Variants in RCC1L observed in about 807,000 individuals in gnomAD.
RCC1L encodes RCC1-like G exchanging factor-like protein.
RCC1L carries 46 observed loss-of-function variants against 58.6 expected under a neutral mutation model. That is an observed-to-expected ratio of 0.79 (90% CI 0.62 to 1.00). The LOEUF (loss-of-function observed/expected upper bound fraction) is 1.00, where lower values mean the gene tolerates loss of function less well. Ranked by LOEUF, RCC1L falls within the 50% of genes least tolerant of loss-of-function variation. The pLI, the probability that RCC1L is intolerant of heterozygous loss-of-function variation, is 0.00. For synonymous variants in RCC1L, 281 were observed against 262.9 expected (o/e 1.07, Z -0.67); for missense variants, 636 against 623.6 (o/e 1.02, Z -0.21).
At chr7:75,064,867 T>C (rs1056098173) in intron 3 of RCC1L, 2 of 601,498 alleles carry the variant, frequency 3.3e-6, no homozygotes, top group Non-Finnish European at 3.1e-6. Context: ...CTAGATCCAC[T>C]TCTTGGGAAT....
chr7:75,065,376 G>T (rs1437451781), intron 3 of RCC1L, among the ~76,000 whole-genome samples: 1 of 151,966 alleles, frequency 6.6e-6, no homozygotes, highest in Non-Finnish European at 1.5e-5. Context: ...CAAACATGGT[G>T]AAACCCTGTC....
chr7:75,058,308 C>T, intron 7 of RCC1L: 1 of 408,076 alleles, frequency 2.5e-6, no homozygotes, highest in South Asian at 2.1e-5. Flanking sequence ...ACGATCTCAG[C>T]TCACTGCAAT....
At chr7:75,043,444 T>C (rs1226301290) in intron 10 of RCC1L, among the ~76,000 whole-genome samples, 2 of 152,226 alleles carry the variant, frequency 1.3e-5, no homozygotes, top group Non-Finnish European at 2.9e-5. Flanking sequence ...CATGGGCCTG[T>C]GTGCATCCCT....
intron 10 of RCC1L, among the ~76,000 whole-genome samples, chr7:75,052,351 C>T (rs1217873045): frequency 1.3e-5 from 2 of 152,202 alleles, no homozygotes; most frequent in African/African-American, 4.8e-5. Context: ...TTTCCCCGAT[C>T]CACCCCAAGG....
exon 11 of RCC1L, chr7:75,028,028 GTAA>G (rs1191206896): frequency 1.3e-6 from 2 of 1,534,746 alleles, no homozygotes; most frequent in African/African-American, 2.7e-5. Flanking sequence ...TCCCCCGGAG[GTAA>G]TCAGAGGAGT....
downstream of RCC1L, among the ~76,000 whole-genome samples, chr7:75,040,516 G>A (rs1450255289): frequency 2.0e-5 from 3 of 151,934 alleles, no homozygotes; most frequent in Non-Finnish European, 2.9e-5. Context: ...CCATTAGGGT[G>A]GGAGGTTTAT....
At chr7:75,030,427 G>A (rs1016406833) in intron 10 of RCC1L, among the ~76,000 whole-genome samples, 1 of 152,254 alleles carries the variant, frequency 6.6e-6, no homozygotes, top group South Asian at 2.1e-4. Context: ...GAGAGGGTGG[G>A]GCGTCTCTGG....
chr7:75,066,923 A>C, intron 2 of RCC1L, 131 bp from the exon 3 acceptor site: 1 of 1,266,070 alleles, frequency 7.9e-7, no homozygotes. Flanking sequence ...CAGGTAAGTT[A>C]GGCGCAGAGC....
rs1305558757 is a variant in RCC1L, at chr7:75,059,288, G to A, written c.788-519C>T. On this transcript the variant is annotated intron_variant, in intron 6 of 10. Coordinates refer to ENST00000610322, the MANE Select transcript of RCC1L (RefSeq NM_030798.5). ...ACAACTTTTTTTTTTTTTTTGAGAC[G>A]GTCTCACTCTGTTCCTCTGGCTGCA... 8.8e-5 allele frequency among the ~76,000 whole-genome samples: 13 copies of A among 147,062 alleles called. No individual in the cohort carries two copies. The South Asian group carries it at 1.1e-3, about 12-fold the overall frequency.
At position 75,058,775 on chromosome 7, in the gene RCC1L, A is replaced by C; in HGVS notation, c.788-6T>G. 1 of 1,613,932 alleles carries C rather than the reference A, an allele frequency of 6.2e-7. No individual in the cohort carries two copies. Among genetic ancestry groups the C allele is most frequent in the Non-Finnish European group, 8.5e-7 (1 of 1,179,828 alleles). ...GATATTGTAGTGACCCAGACCTAACACAGTGGAAAATACAGATTTTTAATT... is the reference window on the plus strand; with the variant it reads ...GATATTGTAGTGACCCAGACCTAACCCAGTGGAAAATACAGATTTTTAATT... On this transcript the variant is annotated splice_polypyrimidine_tract_variant and splice_region_variant and intron_variant, in intron 6 of 10. Transcript: ENST00000610322.
At chr7:75,068,553 G>A (rs1361938930) in intron 2 of RCC1L, among the ~76,000 whole-genome samples, 1 of 151,802 alleles carries the variant, frequency 6.6e-6, no homozygotes, top group Non-Finnish European at 1.5e-5. Flanking sequence ...AGGTGTGATG[G>A]CGGGCGCCTG....
At chr7:75,036,024 G>C (rs1805423956) in intron 10 of RCC1L, among the ~76,000 whole-genome samples, 1 of 151,582 alleles carries the variant, frequency 6.6e-6, no homozygotes, top group Non-Finnish European at 1.5e-5. Context: ...GTTTCCAGAT[G>C]ATTCTATGGT....
intron 10 of RCC1L, among the ~76,000 whole-genome samples, chr7:75,035,997 C>T (rs1477709196): frequency 3.3e-5 from 5 of 151,926 alleles, no homozygotes; most frequent in African/African-American, 7.3e-5. Flanking sequence ...AGAGCAAGAC[C>T]GTCTCAAAAA....
intron 2 of RCC1L, 74 bp from the exon 3 acceptor site, chr7:75,066,866 A>G: frequency 1.3e-6 from 2 of 1,506,284 alleles, no homozygotes; most frequent in Non-Finnish European, 8.9e-7. Flanking sequence ...ACTCCACGCT[A>G]CTACACTGGA....
At chr7:75,039,022 G>A (rs1311183311), downstream of RCC1L, among the ~76,000 whole-genome samples, 1 of 152,232 alleles carries the variant, frequency 6.6e-6, no homozygotes, top group Non-Finnish European at 1.5e-5. Flanking sequence ...TGTATTTTCA[G>A]TGGAGATGGG....
intron 2 of RCC1L, among the ~76,000 whole-genome samples, chr7:75,068,233 T>A (rs187331404): frequency 3.3e-4 from 50 of 151,170 alleles, no homozygotes; most frequent in Admixed American, 3.1e-3. Flanking sequence ...GGCAAGCGAA[T>A]TGCTTAAATC....
intron 10 of RCC1L, among the ~76,000 whole-genome samples, chr7:75,036,641 C>T (rs1449357626): frequency 2.0e-5 from 3 of 152,032 alleles, no homozygotes; most frequent in Non-Finnish European, 4.4e-5. Flanking sequence ...CGCCTGTAAT[C>T]CCAGCACTTT....
Position 75,058,599 on chromosome 7 carries a change from C to T in RCC1L, c.958G>A (p.Asp320Asn). The change falls in exon 7 of 11, where the codon GAC (aspartate) becomes AAC (asparagine). Residue 320 changes from aspartate (D) to asparagine (N), a missense_variant. Coordinates refer to ENST00000610322, the MANE Select transcript of RCC1L (RefSeq NM_030798.5). ...CGGCGACTGCATACCTGTGTGGAGT[C>T]AGTGACAGAGGCCAGCTGCAGGTAC... The part of the protein sequence containing the change: ...SEYLQLASVT[D>N]STQVNVPRCL... 6.2e-7 allele frequency: 1 copy of T among 1,605,600 alleles called. No homozygotes were observed. The highest frequency in any genetic ancestry group is 1.7e-5 in the Admixed American group (1 of 58,288).
chr7:75,066,968 G>A (rs782663532), intron 2 of RCC1L, among the ~76,000 whole-genome samples, 176 bp from the exon 3 acceptor site: 1 of 152,188 alleles, frequency 6.6e-6, no homozygotes, highest in African/African-American at 2.4e-5. Context: ...CCCATGGCAT[G>A]GGCTGTCTCT....
Sources: allele counts gnomAD v4.1 joint callset (sites outside exome capture counted in the v4.1 genomes callset), GRCh38; gene constraint gnomAD v4.1.1; transcripts MANE v1.5; gene names NCBI Gene and HGNC (gene_info 2026-07-23, HGNC 2026-07-21).